Variants in ALK observed in about 807,000 individuals in gnomAD.
ALK encodes the protein ALK tyrosine kinase receptor.
In ALK, 74 loss-of-function variants were observed where a neutral mutation model predicts 163.1. That is an observed-to-expected ratio of 0.45 (90% confidence interval 0.38 to 0.55). The LOEUF is 0.55. Among genes scored for constraint, ALK ranks in the 20% least tolerant of loss-of-function variants. The pLI, the probability that ALK is intolerant of heterozygous loss-of-function variation, is 0.00. For synonymous variants in ALK, 960 were observed against 843.2 expected, an observed-to-expected ratio of 1.14 and a Z score of -2.40; for missense variants, 2,063 against 2,105.3, an observed-to-expected ratio of 0.98 and a Z score of 0.39.
intron 1 of ALK, among the ~76,000 whole-genome samples, chr2:29,847,229 G>T (rs925787984): frequency 6.6e-6 from 1 of 152,152 alleles, no homozygotes; most frequent in Non-Finnish European, 1.5e-5. Context: ...TGACCATAAT[G>T]AGCTGCTCAC....
intron 1 of ALK, among the ~76,000 whole-genome samples, chr2:29,917,113 G>C (rs1371101025): frequency 6.6e-6 from 1 of 152,172 alleles, no homozygotes; most frequent in African/African-American, 2.4e-5. Context: ...CTCCTAACTG[G>C]TGCTTTTTCA....
At chr2:29,727,851 C>T (rs567538427) in intron 1 of ALK, among the ~76,000 whole-genome samples, 77 of 151,102 alleles carry the variant, frequency 5.1e-4, no homozygotes, top group African/African-American at 1.7e-3. Context: ...CATGCAGAGA[C>T]TCAGAGTGGG....
rs60429543 is a variant in ALK, at chr2:29,571,602, C to CTT, written c.953-39488_953-39487dup. Among the ~76,000 whole-genome samples, 147 of 68,506 alleles carry CTT rather than the reference C, an allele frequency of 2.1e-3. 4 individuals are homozygous for CTT. Among genetic ancestry groups the CTT allele is most frequent in the African/African-American group, 2.7e-3 (37 of 13,624 alleles). The allele number at this position is 68,506 out of a possible 152,430, so 44.9% of individuals were successfully genotyped here. A position where few individuals can be genotyped will look rare whatever the true frequency, so the allele number is the denominator to read the frequency against. Reference sequence around the variant, plus strand: ...TAAATTACCTAGTCTTGGCTCATATCTTTTTTTTTTTTTTTTTTTTTTTTT... The same window carrying CTT: ...TAAATTACCTAGTCTTGGCTCATATCTTTTTTTTTTTTTTTTTTTTTTTTTTT... On this transcript the variant is annotated intron_variant, in intron 3 of 28. Coordinates refer to ENST00000389048, the MANE Select transcript of ALK (RefSeq NM_004304.5).
At position 29,270,085 on chromosome 2, in the gene ALK, C is replaced by T. The variant is rs566814463; in HGVS notation, c.2041+5014G>A. 8.3e-3 allele frequency among the ~76,000 whole-genome samples: 1,259 copies of T among 151,724 alleles called. 11 individuals carry two copies. The highest frequency in any genetic ancestry group is 0.029 in the African/African-American group (1,199 of 41,394). ...TCAGTAATGAAAGAGAGATCCCTCT[C>T]GAAGACCTATTCAATAATGAAAGAG... On this transcript the variant is annotated intron_variant, in intron 11 of 28. Coordinates refer to ENST00000389048, the MANE Select transcript of ALK (RefSeq NM_004304.5).
chr2:29,775,980 T>C (rs1441175136), intron 1 of ALK, among the ~76,000 whole-genome samples: 2 of 152,156 alleles, frequency 1.3e-5, no homozygotes, highest in African/African-American at 4.8e-5. Flanking sequence ...TAGGGTAACA[T>C]CTGGAAGGCA....
At position 29,373,418 on chromosome 2, in the gene ALK, T is replaced by A. The variant is rs545446129; in HGVS notation, c.1282+10314A>T. Among the ~76,000 whole-genome samples the A allele has an allele frequency of 1.2e-3, 185 of 152,348 alleles. 1 individual carries two copies. The highest frequency in any genetic ancestry group is 4.1e-3 in the Admixed American group (63 of 15,300). On this transcript the variant is annotated intron_variant, in intron 5 of 28. Transcript: ENST00000389048. The stretch of plus-strand genomic sequence containing the variant: ...TTGTAAAATAGACCAATTATTTTAG[T>A]GTGATTAATCTTTTCAATTATTTCC...
chr2:29,253,871 GATA>G (rs1377204726), intron 11 of ALK, among the ~76,000 whole-genome samples: 4 of 151,856 alleles, frequency 2.6e-5, no homozygotes, highest in African/African-American at 7.3e-5. Context: ...TAGATAGATA[GATA>G]GATAGATAGA....
At chr2:29,815,018 G>C (rs10182334) in intron 1 of ALK, among the ~76,000 whole-genome samples, 1 of 147,454 alleles carries the variant, frequency 6.8e-6, no homozygotes, top group Non-Finnish European at 1.5e-5. Flanking sequence ...GGACGGACTC[G>C]GCCTCAGTGT....
intron 3 of ALK, among the ~76,000 whole-genome samples, chr2:29,558,553 C>T (rs145549862): frequency 8.0e-4 from 122 of 152,178 alleles, no homozygotes; most frequent in African/African-American, 2.6e-3. Context: ...CCCCTCCCTA[C>T]CCTCTCTGCC....
chr2:29,360,122 A>G (rs1668353570), intron 5 of ALK, among the ~76,000 whole-genome samples: 1 of 152,192 alleles, frequency 6.6e-6, no homozygotes, highest in South Asian at 2.1e-4. Context: ...GCACTAAAAT[A>G]AATCAATGGC....
intron 1 of ALK, among the ~76,000 whole-genome samples, chr2:29,731,228 CA>C (rs1351899898): frequency 6.6e-6 from 1 of 152,168 alleles, no homozygotes; most frequent in Admixed American, 6.5e-5. Flanking sequence ...GTAATGATTA[CA>C]AATGACTGAG....
At chr2:29,398,285 C>T (rs752771074) in intron 4 of ALK, among the ~76,000 whole-genome samples, 3 of 152,170 alleles carry the variant, frequency 2.0e-5, no homozygotes, top group Non-Finnish European at 2.9e-5. Context: ...GCCTAATACA[C>T]TGGAAGCTGT....
intron 4 of ALK, among the ~76,000 whole-genome samples, chr2:29,406,978 A>AGTCT (rs1669600788): frequency 6.6e-6 from 1 of 151,548 alleles, no homozygotes; most frequent in Non-Finnish European, 1.5e-5. Flanking sequence ...ATCCTGGCAC[A>AGTCT]GTCTGTTCTT....
At chr2:29,373,521 T>C (rs1303896832) in intron 5 of ALK, among the ~76,000 whole-genome samples, 1 of 152,260 alleles carries the variant, frequency 6.6e-6, no homozygotes, top group African/African-American at 2.4e-5. Context: ...TATTTATTTA[T>C]ATTTAAAAAC....
rs1407348112 is a variant in ALK at position 29,402,911 on chromosome 2, T to C, written c.1155-19052A>G. Among the ~76,000 whole-genome samples the C allele has an allele frequency of 2.6e-5, 4 of 152,114 alleles. No individual in the cohort carries two copies. The East Asian group carries it at 7.7e-4, about 29-fold the overall frequency. ...CCCCTCTTTGTTACCCCCAATTCTTTTCCCACAAATGATTACCGAACCAGA... is the reference window on the plus strand; with the variant it reads ...CCCCTCTTTGTTACCCCCAATTCTTCTCCCACAAATGATTACCGAACCAGA... On this transcript the variant is annotated intron_variant, in intron 4 of 28. Coordinates refer to ENST00000389048, the MANE Select transcript of ALK (RefSeq NM_004304.5).
In ALK at chr2:29,836,408, G is replaced by T. The variant is rs115663638; in HGVS notation, c.667+83585C>A. The stretch of plus-strand genomic sequence containing the variant: ...AGTCACTTAGAGACCCAGGCTGACC[G>T]AGTCACCATTTTGAACACTGCTAGT... On this transcript the variant is annotated intron_variant, in intron 1 of 28. Coordinates refer to ENST00000389048, the MANE Select transcript of ALK (RefSeq NM_004304.5). 4.7e-3 allele frequency among the ~76,000 whole-genome samples: 719 copies of T among 152,200 alleles called. 11 individuals are homozygous for T. Among genetic ancestry groups the T allele is most frequent in the African/African-American group, 0.016 (680 of 41,528 alleles).
intron 6 of ALK, 114 bp from the exon 7 acceptor site, chr2:29,320,996 T>G: frequency 1.5e-6 from 2 of 1,317,444 alleles, no homozygotes; most frequent in Admixed American, 3.4e-5. Context: ...GTAATATAGC[T>G]CCCCAGCCAG....
At chr2:29,514,892 C>G (rs759476279) in intron 4 of ALK, among the ~76,000 whole-genome samples, 1 of 152,210 alleles carries the variant, frequency 6.6e-6, no homozygotes. Context: ...CCATACCCAT[C>G]CCTACCCTAC....
intron 1 of ALK, among the ~76,000 whole-genome samples, chr2:29,904,222 A>G (rs529660817): frequency 6.6e-6 from 1 of 152,316 alleles, no homozygotes; most frequent in East Asian, 1.9e-4. Context: ...TTATGATTTA[A>G]TTAAAATCCT....
Sources: allele counts gnomAD v4.1 joint callset (sites outside exome capture counted in the v4.1 genomes callset), GRCh38; gene constraint gnomAD v4.1.1; transcripts MANE v1.5; gene names NCBI Gene and HGNC (gene_info 2026-07-23, HGNC 2026-07-21).